The following SCFD2 variants were observed in gnomAD, a reference collection of about 807,000 sequenced individuals.
SCFD2 encodes sec1 family domain-containing protein 2.
SCFD2 carries 54 observed loss-of-function variants against 58.9 expected under a neutral mutation model. The ratio of observed to expected loss-of-function variants is 0.92; its 90% CI spans 0.74 to 1.15. SCFD2 has a LOEUF of 1.15. Ranked by LOEUF, SCFD2 falls within the 50% of genes most tolerant of loss-of-function variation. The pLI is 0.00. For missense variants in SCFD2, 805 were observed against 836.6 expected (o/e 0.96, Z 0.47); for synonymous variants, 321 against 335.9 (o/e 0.96, Z 0.49).
intron 5 of SCFD2, among the ~76,000 whole-genome samples, chr4:53,144,465 G>A (rs1208358010): frequency 6.8e-6 from 1 of 146,876 alleles, no homozygotes; most frequent in Non-Finnish European, 1.5e-5. Context: ...ATATATACTG[G>A]ACATATAGAT....
At chr4:53,069,034 G>A (rs1160676495) in intron 5 of SCFD2, among the ~76,000 whole-genome samples, 4 of 151,934 alleles carry the variant, frequency 2.6e-5, no homozygotes, top group Non-Finnish European at 5.9e-5. Flanking sequence ...ATTCTCCCAG[G>A]GTAAATTCAC....
At chr4:53,005,086 C>T (rs757424442) in intron 5 of SCFD2, among the ~76,000 whole-genome samples, 10 of 151,992 alleles carry the variant, frequency 6.6e-5, no homozygotes, top group South Asian at 2.1e-4. Context: ...TTAGTAGAGA[C>T]GGGGTTTCAC....
intron 5 of SCFD2, among the ~76,000 whole-genome samples, chr4:53,112,550 A>G (rs1403615872): frequency 6.6e-6 from 1 of 152,084 alleles, no homozygotes; most frequent in East Asian, 1.9e-4. Flanking sequence ...TCCTTTCTCC[A>G]TTACAGGACA....
rs1577923852 is a variant in SCFD2, at chr4:53,277,525, G to A, written c.1136-3524C>T. Reference sequence around the variant, plus strand: ...AAAGAAAAATACAAAATGTCTTGAAGGTGTGAAAGGCTCTACATGATATGA... The same window carrying A: ...AAAGAAAAATACAAAATGTCTTGAAAGTGTGAAAGGCTCTACATGATATGA... On this transcript the variant is annotated intron_variant, in intron 3 of 8. Coordinates refer to ENST00000401642, the MANE Select transcript of SCFD2 (RefSeq NM_152540.4). Among the ~76,000 whole-genome samples, 3 of 152,248 alleles carry A rather than the reference G, an allele frequency of 2.0e-5. No homozygotes were observed. The East Asian group carries it at 5.8e-4, about 29-fold the overall frequency.
At chr4:52,950,395 A>G (rs570705558) in intron 5 of SCFD2, 1 of 152,236 alleles carries the variant, frequency 6.6e-6, no homozygotes, top group Non-Finnish European at 1.5e-5. Context: ...AATGTTCTAC[A>G]TTCCTGAGAA....
chr4:53,258,538 G>GTGTATATATATATATA (rs1360142906), intron 4 of SCFD2, among the ~76,000 whole-genome samples: 1 of 119,950 alleles, frequency 8.3e-6, no homozygotes, highest in Non-Finnish European at 1.7e-5. Flanking sequence ...TGGTGTGTGT[G>GTGTATATATATATATA]TATATATATA....
intron 5 of SCFD2, among the ~76,000 whole-genome samples, chr4:53,118,049 G>A (rs1258822444): frequency 1.3e-5 from 2 of 152,156 alleles, no homozygotes; most frequent in African/African-American, 4.8e-5. Flanking sequence ...TTGAGCATCA[G>A]TATTGTATGC....
intron 5 of SCFD2, chr4:52,956,402 G>T (rs923013612): frequency 1.4e-5 from 5 of 369,236 alleles, no homozygotes; most frequent in Non-Finnish European, 2.7e-5. Context: ...TTAAGGAAAA[G>T]AGGAAAATGT....
intron 5 of SCFD2, among the ~76,000 whole-genome samples, chr4:53,014,844 G>T (rs1411392492): frequency 6.6e-6 from 1 of 152,190 alleles, no homozygotes; most frequent in Non-Finnish European, 1.5e-5. Context: ...TACATAGCTT[G>T]CTTTGGTACA....
At chr4:53,039,250 A>AT (rs1722836577) in intron 5 of SCFD2, among the ~76,000 whole-genome samples, 1 of 152,118 alleles carries the variant, frequency 6.6e-6, no homozygotes, top group South Asian at 2.1e-4. Context: ...TATACATACC[A>AT]TATGTGTTCA....
intron 2 of SCFD2, among the ~76,000 whole-genome samples, chr4:53,341,761 G>A (rs538492751): frequency 4.8e-4 from 73 of 152,230 alleles, no homozygotes; most frequent in African/African-American, 1.7e-3. Context: ...CAGATCTCTC[G>A]GCAGAAACTC....
intron 7 of SCFD2, among the ~76,000 whole-genome samples, chr4:52,893,507 C>T (rs1383829166): frequency 6.6e-6 from 1 of 152,172 alleles, no homozygotes; most frequent in Non-Finnish European, 1.5e-5. Flanking sequence ...CATCCTTTAC[C>T]CCTGCTGTAT....
intron 5 of SCFD2, among the ~76,000 whole-genome samples, chr4:52,926,335 G>T (rs772916773): frequency 3.9e-5 from 6 of 152,028 alleles, no homozygotes; most frequent in African/African-American, 7.3e-5. Flanking sequence ...CTTCAGTCTG[G>T]ATTCGAGCTG....
chr4:52,912,923 G>A (rs1490667533), intron 6 of SCFD2, among the ~76,000 whole-genome samples: 1 of 152,204 alleles, frequency 6.6e-6, no homozygotes, highest in Middle Eastern at 3.2e-3. Flanking sequence ...TCTCTCGCAT[G>A]CTAGGAAGGG....
intron 3 of SCFD2, among the ~76,000 whole-genome samples, chr4:53,281,306 G>C (rs1731501942): frequency 6.6e-6 from 1 of 152,172 alleles, no homozygotes; most frequent in Non-Finnish European, 1.5e-5. Flanking sequence ...AGGTTGCATA[G>C]ATTTTTGAAT....
intron 4 of SCFD2, among the ~76,000 whole-genome samples, chr4:53,205,625 C>T (rs1276291947): frequency 1.3e-5 from 2 of 151,894 alleles, no homozygotes; most frequent in East Asian, 1.9e-4. Context: ...TTTGGGAGGC[C>T]GAGGTGGGCG....
intron 1 of SCFD2, among the ~76,000 whole-genome samples, chr4:53,363,513 C>T (rs1734605819): frequency 1.3e-5 from 2 of 151,720 alleles, no homozygotes; most frequent in Admixed American, 1.3e-4. Flanking sequence ...TTTTAGAGGG[C>T]AGAAGTTATG....
intron 5 of SCFD2, among the ~76,000 whole-genome samples, chr4:53,022,373 T>C (rs983224076): frequency 6.6e-6 from 1 of 152,220 alleles, no homozygotes; most frequent in Non-Finnish European, 1.5e-5. Context: ...CTAAGGTCAT[T>C]GAAGGCTCAC....
At chr4:52,895,739 A>G (rs978699061) in intron 7 of SCFD2, among the ~76,000 whole-genome samples, 6 of 152,220 alleles carry the variant, frequency 3.9e-5, no homozygotes, top group Non-Finnish European at 7.3e-5. Context: ...TGCCTGAGGA[A>G]TCGTCACACC....
Sources: allele counts gnomAD v4.1 joint callset (sites outside exome capture counted in the v4.1 genomes callset), GRCh38; gene constraint gnomAD v4.1.1; transcripts MANE v1.5; gene names NCBI Gene and HGNC (gene_info 2026-07-23, HGNC 2026-07-21).